SUMF1: variants seen among roughly 807,000 people sequenced by gnomAD.
SUMF1 encodes formylglycine-generating enzyme.
Under a neutral mutation model 47.6 loss-of-function variants are expected in SUMF1, and 48 were observed. That is an observed-to-expected ratio of 1.01 (90% CI 0.80 to 1.28). The LOEUF (loss-of-function observed/expected upper bound fraction) is 1.28. Among genes scored for constraint, SUMF1 ranks in the 50% most tolerant of loss-of-function variants. The probability of loss-of-function intolerance (pLI) is 0.00; values close to 1 mark genes in which losing one functional copy is unlikely to be tolerated. For synonymous variants in SUMF1, 230 were observed against 192.1 expected (o/e 1.20, Z -1.63); for missense variants, 571 against 485.4 (o/e 1.18, Z -1.66).
At chr3:4,303,488 G>T in intron 8 of SUMF1, 1 of 1,497,194 alleles carries the variant, frequency 6.7e-7, no homozygotes, top group East Asian at 2.9e-5. Context: ...CTTGCCGGTG[G>T]GCGCGTGGCC....
At chr3:4,416,779 G>A (rs947875194) in intron 6 of SUMF1, among the ~76,000 whole-genome samples, 6 of 152,088 alleles carry the variant, frequency 3.9e-5, no homozygotes, top group Non-Finnish European at 5.9e-5. Context: ...ATAACTACAC[G>A]CCATTATTAG....
intron 6 of SUMF1, among the ~76,000 whole-genome samples, chr3:4,415,220 C>T (rs1249839820): frequency 1.6e-5 from 2 of 125,868 alleles, no homozygotes; most frequent in African/African-American, 3.3e-5. Flanking sequence ...GAGTAAGACT[C>T]CATCTCAAAA....
At chr3:4,290,611 G>A (rs774449948) in intron 8 of SUMF1, among the ~76,000 whole-genome samples, 10 of 152,122 alleles carry the variant, frequency 6.6e-5, no homozygotes, top group East Asian at 1.9e-4. Flanking sequence ...AATACTACCC[G>A]CTCCTCAAAA....
intron 8 of SUMF1, among the ~76,000 whole-genome samples, chr3:4,304,500 G>T (rs1290840988): frequency 6.6e-6 from 1 of 152,216 alleles, no homozygotes; most frequent in Non-Finnish European, 1.5e-5. Context: ...AATAAGGAAT[G>T]ACCAAAGATT....
chr3:4,125,333 A>G (rs779174317), intron 8 of SUMF1, among the ~76,000 whole-genome samples: 1 of 152,176 alleles, frequency 6.6e-6, no homozygotes, highest in African/African-American at 2.4e-5. Flanking sequence ...CTGTAATCAT[A>G]GGAAGATTTA....
intron 8 of SUMF1, among the ~76,000 whole-genome samples, chr3:4,334,325 C>A (rs1559230044): frequency 6.6e-6 from 1 of 152,144 alleles, no homozygotes; most frequent in African/African-American, 2.4e-5. Flanking sequence ...TTTTGAACTT[C>A]TTTTGCAAAG....
intron 5 of SUMF1, 52 bp from the exon 6 acceptor site, chr3:4,417,294 T>A (rs1258256335): frequency 6.5e-7 from 1 of 1,527,966 alleles, no homozygotes; most frequent in Non-Finnish European, 9.1e-7. Flanking sequence ...AGGTTTTGGA[T>A]GAAAGTCAAG....
intron 8 of SUMF1, among the ~76,000 whole-genome samples, chr3:4,138,499 G>A (rs183406831): frequency 6.6e-6 from 1 of 152,170 alleles, no homozygotes; most frequent in African/African-American, 2.4e-5. Context: ...TTCCAGAAGG[G>A]ACTGGAGACT....
intron 8 of SUMF1, among the ~76,000 whole-genome samples, chr3:4,367,442 A>G (rs1203794348): frequency 6.6e-6 from 1 of 152,130 alleles, no homozygotes; most frequent in East Asian, 1.9e-4. Flanking sequence ...TGCCATCCCC[A>G]TCAAGCTACC....
At chr3:4,299,391 T>A (rs989441166) in intron 8 of SUMF1, among the ~76,000 whole-genome samples, 1 of 152,240 alleles carries the variant, frequency 6.6e-6, no homozygotes, top group Non-Finnish European at 1.5e-5. Context: ...GTGAAGCTAA[T>A]GCCAAGTGTG....
At chr3:4,203,352 T>C (rs1695581115) in intron 8 of SUMF1, among the ~76,000 whole-genome samples, 1 of 151,848 alleles carries the variant, frequency 6.6e-6, no homozygotes, top group African/African-American at 2.4e-5. Context: ...CTTTGTTTCT[T>C]TTTCTGTTTT....
chr3:4,072,410 C>T (rs780839557), intron 8 of SUMF1, among the ~76,000 whole-genome samples: 3 of 152,018 alleles, frequency 2.0e-5, no homozygotes, highest in Non-Finnish European at 2.9e-5. Context: ...TTCCAAAAAC[C>T]AAAACGCCCC....
At chr3:4,194,259 C>A (rs1695382422) in intron 8 of SUMF1, among the ~76,000 whole-genome samples, 1 of 152,080 alleles carries the variant, frequency 6.6e-6, no homozygotes, top group Admixed American at 6.6e-5. Context: ...ATAGAGAATG[C>A]AAGTGTATAC....
At chr3:4,298,563 A>G (rs1449007431) in intron 8 of SUMF1, among the ~76,000 whole-genome samples, 1 of 152,236 alleles carries the variant, frequency 6.6e-6, no homozygotes, top group Non-Finnish European at 1.5e-5. Context: ...GAAAGAGTCA[A>G]AAACTAAAAA....
At chr3:4,402,480 C>T (rs1011664933) in intron 7 of SUMF1, among the ~76,000 whole-genome samples, 1 of 152,226 alleles carries the variant, frequency 6.6e-6, no homozygotes, top group South Asian at 2.1e-4. Context: ...AACAGCAAGA[C>T]TGGTGTTTCA....
intron 1 of SUMF1, among the ~76,000 whole-genome samples, chr3:4,465,820 G>A (rs557805628): frequency 5.7e-4 from 87 of 152,280 alleles, no homozygotes; most frequent in African/African-American, 1.8e-3. Flanking sequence ...TGTTATGTCA[G>A]AATAAACACA....
intron 8 of SUMF1, among the ~76,000 whole-genome samples, chr3:4,126,520 C>T (rs181208642): frequency 1.3e-5 from 2 of 152,152 alleles, no homozygotes; most frequent in Admixed American, 1.3e-4. Flanking sequence ...TACATTCATC[C>T]TTAGTTAATA....
At chr3:4,164,515 G>C (rs528119574) in intron 8 of SUMF1, among the ~76,000 whole-genome samples, 1 of 152,130 alleles carries the variant, frequency 6.6e-6, no homozygotes, top group Non-Finnish European at 1.5e-5. Context: ...GGGGCAGCTT[G>C]TTTCTCTTTG....
At chr3:4,147,750 C>T (rs1365674875) in intron 8 of SUMF1, among the ~76,000 whole-genome samples, 2 of 152,108 alleles carry the variant, frequency 1.3e-5, no homozygotes, top group African/African-American at 2.4e-5. Flanking sequence ...AAAGAACTAC[C>T]TACCACCACC....
Sources: gnomAD v4.1 joint callset for allele counts (sites outside exome capture counted in the v4.1 genomes callset) on GRCh38, gnomAD v4.1.1 for gene constraint, MANE v1.5 for transcripts, NCBI Gene and HGNC (gene_info 2026-07-23, HGNC 2026-07-21) for gene names.